CD101: variants seen among roughly 807,000 people sequenced by gnomAD.
CD101 encodes immunoglobulin superfamily member 2.
Under a neutral mutation model 98.2 loss-of-function variants are expected in CD101, and 76 were observed. The ratio of observed to expected loss-of-function variants is 0.77; its 90% CI spans 0.64 to 0.94. The LOEUF is 0.94. Ranked by LOEUF, CD101 falls within the 40% of genes least tolerant of loss-of-function variation. CD101 has a pLI of 0.00. For synonymous variants in CD101, 471 were observed against 472.7 expected (o/e 1.00, Z 0.05); for missense variants, 1,145 against 1,218.8 (o/e 0.94, Z 0.90).
At position 117,014,239 on chromosome 1, in the gene CD101, G is replaced by A. The variant is rs79714221; in HGVS notation, c.1228+447G>A. On this transcript the variant is annotated intron_variant, in intron 4 of 9. Coordinates refer to ENST00000682167, the MANE Select transcript of CD101 (RefSeq NM_001256106.3). ...TGTGTGTGTGTGTGTGATATGAATAGGTTAAGAGTAAAAAGCTACACTTTG... is the reference window on the plus strand; with the variant it reads ...TGTGTGTGTGTGTGTGATATGAATAAGTTAAGAGTAAAAAGCTACACTTTG... Among the ~76,000 whole-genome samples, 624 of 140,800 alleles carry A rather than the reference G, an allele frequency of 4.4e-3. 2 individuals carry two copies. The highest frequency in any genetic ancestry group is 0.011 in the Middle Eastern group (3 of 276). 92.4% of individuals were successfully genotyped at this position (140,800 alleles called of 152,430 possible). A position where few individuals can be genotyped will look rare whatever the true frequency, so the allele number is the denominator to read the frequency against.
chr1:117,022,296 C>G lies in CD101; in HGVS notation c.2428+313C>G, dbSNP rs1557774490. On this transcript the variant is annotated intron_variant, in intron 7 of 9. Transcript: ENST00000682167. The surrounding 1 kb of genome is among the most constrained non-coding windows in gnomAD (Gnocchi z 4.8). ...ATCTCCAGATCTCTATCATAACAAG[C>G]TGTGTCATTCCAGTGGGGCTCTACT... Among the ~76,000 whole-genome samples, 1 of 152,152 alleles carries G rather than the reference C, an allele frequency of 6.6e-6. No individual in the cohort carries two copies. Among genetic ancestry groups the G allele is most frequent in the Non-Finnish European group, 1.5e-5 (1 of 68,040 alleles).
chr1:117,017,544 C>A, intron 5 of CD101, 71 bp downstream of exon 5: 1 of 1,478,248 alleles, frequency 6.8e-7, no homozygotes, highest in Non-Finnish European at 9.2e-7. Context: ...AACTGGATTG[C>A]GTGTTATCCT....
rs2101120357 is a variant in CD101 at position 117,011,726 on chromosome 1, C to G, written c.601C>G (p.Leu201Val). ...GGSQATEIISLSKDFILVPGP... is the reference protein window; with the variant it reads ...GGSQATEIISVSKDFILVPGP... ...AAGCCAAGCCACTGAGATTATTTCT[C>G]TCTCCAAAGATTTTATATTGGTCCC... The change falls in exon 3 of 10, where the codon CTC (leucine) becomes GTC (valine). Residue 201 changes from leucine to valine, a missense_variant. Physicochemically the swap from Leu to Val is conservative, Grantham distance 32. Coordinates refer to ENST00000682167, the MANE Select transcript of CD101 (RefSeq NM_001256106.3). 6 of 1,614,116 alleles carry G rather than the reference C, an allele frequency of 3.7e-6. 1 individual carries two copies. The highest frequency in any genetic ancestry group is 2.2e-5 in the South Asian group (2 of 91,078).
At position 117,024,258 on chromosome 1, in the gene CD101, C is replaced by A. The variant is rs181974052; in HGVS notation, c.2429-1251C>A. ...TTGGGAGGCCAAGGTGGGCGGATCACCTGAGGTCAGGAGTTCGAGACCAGC... is the reference window on the plus strand; with the variant it reads ...TTGGGAGGCCAAGGTGGGCGGATCAACTGAGGTCAGGAGTTCGAGACCAGC... On this transcript the variant is annotated intron_variant, in intron 7 of 9. Coordinates refer to ENST00000682167, the MANE Select transcript of CD101 (RefSeq NM_001256106.3). Among the ~76,000 whole-genome samples the A allele has an allele frequency of 1.5e-3, 232 of 152,304 alleles. 3 individuals carry two copies. The highest frequency in any genetic ancestry group is 1.2e-3 in the South Asian group (6 of 4,830).
chr1:117,027,446 G>A (rs1406030289), intron 8 of CD101, among the ~76,000 whole-genome samples: 1 of 152,202 alleles, frequency 6.6e-6, no homozygotes, highest in Non-Finnish European at 1.5e-5. Flanking sequence ...GCTAGGTAGG[G>A]AGATGATCTG....
intron 9 of CD101, 32 bp downstream of exon 9, chr1:117,034,166 G>A (rs1654653386): frequency 1.3e-6 from 2 of 1,572,608 alleles, no homozygotes; most frequent in Non-Finnish European, 1.7e-6. Context: ...TAACCAGGGT[G>A]TGAATGAATC....
At position 117,011,609 on chromosome 1, in the gene CD101, G is replaced by A; in HGVS notation, c.484G>A (p.Glu162Lys). 2 of 1,614,054 alleles carry A rather than the reference G, an allele frequency of 1.2e-6. No individual in the cohort carries two copies. The highest frequency in any genetic ancestry group is 1.7e-6 in the Non-Finnish European group (2 of 1,179,980). ...SSQTLGKEEG[E>K]PLALTCEASK... ...TCAGACTCTCGGTAAGGAGGAAGGT[G>A]AGCCATTAGCCCTCACCTGTGAGGC... The change falls in exon 3 of 10, where the codon GAG becomes AAG. Residue 162 changes from glutamate (E) to lysine (K), a missense_variant. Physicochemically the swap from Glu to Lys is moderately conservative, Grantham distance 56 (BLOSUM62 1). Transcript: ENST00000682167.
intron 7 of CD101, among the ~76,000 whole-genome samples, chr1:117,024,463 C>T (rs968445543): frequency 4.0e-5 from 6 of 151,048 alleles, no homozygotes; most frequent in South Asian, 2.1e-4. Context: ...GGCGACAGAG[C>T]GAGACTCCGT....
chr1:117,016,179 C>T (rs1000721918), intron 4 of CD101, among the ~76,000 whole-genome samples: 1 of 147,750 alleles, frequency 6.8e-6, no homozygotes, highest in African/African-American at 2.5e-5. Context: ...TGTAAACAGA[C>T]ACACATTTAT....
At chr1:117,008,962 A>G (rs934453817) in intron 1 of CD101, among the ~76,000 whole-genome samples, 1 of 152,228 alleles carries the variant, frequency 6.6e-6, no homozygotes, top group Non-Finnish European at 1.5e-5. Flanking sequence ...TTTCTGCAAC[A>G]CAAAATGAAC....
chr1:117,019,383 G>T lies in CD101; in HGVS notation c.2017+823G>T, dbSNP rs1653436207. On this transcript the variant is annotated intron_variant, in intron 6 of 9. Coordinates refer to ENST00000682167, the MANE Select transcript of CD101 (RefSeq NM_001256106.3). This position sits in a 1 kb window ranked among gnomAD's most constrained non-coding sequence, Gnocchi z 4.3. Reference sequence around the variant, plus strand: ...GGTCACTGTCATTATTCTCTCTGCTGCTGTGCAACATTTTTGGTAATAGTA... The same window carrying T: ...GGTCACTGTCATTATTCTCTCTGCTTCTGTGCAACATTTTTGGTAATAGTA... Among the ~76,000 whole-genome samples the T allele has an allele frequency of 1.3e-5, 2 of 152,078 alleles. No individual in the cohort carries two copies. Among genetic ancestry groups the T allele is most frequent in the South Asian group, 4.2e-4 (2 of 4,814 alleles).
At chr1:117,035,882 G>A (rs1043438980) in intron 9 of CD101, among the ~76,000 whole-genome samples, 1 of 152,086 alleles carries the variant, frequency 6.6e-6, no homozygotes, top group African/African-American at 2.4e-5. Flanking sequence ...ATGACCCCCT[G>A]CCCCTATTTT....
intron 9 of CD101, 187 bp downstream of exon 9, chr1:117,034,321 A>G: frequency 1.7e-6 from 1 of 576,392 alleles, no homozygotes; most frequent in South Asian, 2.0e-5. Flanking sequence ...CCCCCCTTGG[A>G]ACAAGATAGC....
intron 9 of CD101, among the ~76,000 whole-genome samples, chr1:117,035,642 C>T (rs971400141): frequency 6.6e-5 from 10 of 151,848 alleles, no homozygotes; most frequent in Non-Finnish European, 8.8e-5. Flanking sequence ...CTCCGCCTCC[C>T]GGGTTCACGC....
At position 117,033,721 on chromosome 1, in the gene CD101, A is replaced by G; in HGVS notation, c.2825-139A>G. ...AGTGCTCTGTCCTGTGCTCCTCATG[A>G]TTTCAGGGGCCCACTGCTATTTGGC... On this transcript the variant is annotated intron_variant, in intron 8 of 9. Transcript: ENST00000682167. The surrounding 1 kb of genome is among the most constrained non-coding windows in gnomAD (Gnocchi z 4.8). 9 of 1,112,488 alleles carry G rather than the reference A, an allele frequency of 8.1e-6. No homozygotes were observed. The South Asian group carries it at 1.4e-4, about 17-fold the overall frequency. The allele number at this position is 1,112,488 out of a possible 1,614,324, so 68.9% of individuals were successfully genotyped here. A position where few individuals can be genotyped will look rare whatever the true frequency, so the allele number is the denominator to read the frequency against.
intron 1 of CD101, among the ~76,000 whole-genome samples, chr1:117,002,411 A>T (rs1243158116): frequency 6.6e-6 from 1 of 152,220 alleles, no homozygotes; most frequent in Non-Finnish European, 1.5e-5. Context: ...GGCTCTACTG[A>T]GGGCCATGCA....
In CD101 at chr1:117,017,108, C is replaced by G; in HGVS notation, c.1247C>G (p.Ser416Cys). ...RKPAARSVVM[S>C]TKNKQQVVWE... ...CTCACAGCAAGAAGTGTGGTCATGTCTACCAAGAACAAGCAGCAAGTTGTG... is the reference window on the plus strand; with the variant it reads ...CTCACAGCAAGAAGTGTGGTCATGTGTACCAAGAACAAGCAGCAAGTTGTG... Residue 416 changes from serine to cysteine, a missense_variant, in exon 5 of 10, where the codon TCT (serine) becomes TGT (cysteine). Ser to Cys is a moderately radical substitution (Grantham distance 112, BLOSUM62 -1). Transcript: ENST00000682167. The G allele has an allele frequency of 6.2e-6, 10 of 1,613,786 alleles. No individual in the cohort carries two copies. The highest frequency in any genetic ancestry group is 7.6e-6 in the Non-Finnish European group (9 of 1,179,784).
In CD101 at chr1:117,013,729, T is replaced by A; in HGVS notation, c.1165T>A (p.Ser389Thr). 6.2e-7 allele frequency: 1 copy of A among 1,613,948 alleles called. No individual in the cohort carries two copies. Among genetic ancestry groups the A allele is most frequent in the Non-Finnish European group, 8.5e-7 (1 of 1,180,026 alleles). ...VAEVMKTRTG[S>T]WQVLQRKQSP... Reference sequence around the variant, plus strand: ...AGAGGTCATGAAAACACGCACAGGTTCCTGGCAGGTGCTTCAGAGAAAGCA... The same window carrying A: ...AGAGGTCATGAAAACACGCACAGGTACCTGGCAGGTGCTTCAGAGAAAGCA... The change falls in exon 4 of 10, where the codon TCC becomes ACC. Residue 389 changes from serine to threonine, a missense_variant. Ser to Thr is a moderately conservative substitution (Grantham distance 58, BLOSUM62 1). Transcript: ENST00000682167.
At chr1:117,020,953 G>C (rs1210355847) in intron 6 of CD101, among the ~76,000 whole-genome samples, 1 of 152,240 alleles carries the variant, frequency 6.6e-6, no homozygotes, top group African/African-American at 2.4e-5. Context: ...CAGAAAAGCT[G>C]CTGGGGTCAA....
Sources: gnomAD v4.1 joint callset for allele counts (sites outside exome capture counted in the v4.1 genomes callset) on GRCh38, gnomAD v4.1.1 for gene constraint, Gnocchi (gnomAD v3.1) non-coding constraint, MANE v1.5 for transcripts, NCBI Gene and HGNC (gene_info 2026-07-23, HGNC 2026-07-21) for gene names.